The following BCR variants were observed in gnomAD, a reference collection of about 807,000 sequenced individuals.
BCR encodes the protein BCR activator of RhoGEF and GTPase.
A neutral mutation model predicts 138.6 loss-of-function variants in BCR; 58 were observed. The ratio of observed to expected loss-of-function variants is 0.42; its 90% CI spans 0.34 to 0.52. The LOEUF is 0.52. BCR is among the 20% of genes least tolerant of loss of function. The pLI, the probability that BCR is intolerant of heterozygous loss-of-function variation, is 0.06. For synonymous variants in BCR, 786 were observed against 730.1 expected (o/e 1.08, Z -1.23); for missense variants, 1,599 against 1,727.2 (o/e 0.93, Z 1.32).
In BCR at chr22:23,181,814, G is replaced by C. The variant is rs1569233952; in HGVS notation, c.854G>C (p.Gly285Ala). The change falls in exon 1 of 23, where the codon GGG (glycine) becomes GCG (alanine). Residue 285 changes from glycine to alanine, a missense_variant. Around this residue, in one of 4 missense-constraint regions of BCR, gnomAD observed 806 missense variants for 635.0 expected, o/e 1.27. Transcript: ENST00000305877. ...EYQPYQSIYV[G>A]GMMEGEGKGP... Reference sequence around the variant, plus strand: ...CAGCCCTACCAGAGCATCTACGTCGGGGGCATGATGGAAGGGGAGGGCAAG... The same window carrying C: ...CAGCCCTACCAGAGCATCTACGTCGCGGGCATGATGGAAGGGGAGGGCAAG... The C allele has an allele frequency of 1.9e-6, 3 of 1,610,716 alleles. No homozygotes were observed. In the African/African-American group the frequency reaches 4.0e-5, roughly 21 times the overall value.
At chr22:23,304,929 A>T (rs1162872594) in intron 16 of BCR, among the ~76,000 whole-genome samples, 1 of 152,196 alleles carries the variant, frequency 6.6e-6, no homozygotes, top group East Asian at 1.9e-4. Context: ...AGCCTGACCA[A>T]CATGGTGAAA....
chr22:23,290,420 A>G lies in BCR; in HGVS notation c.2782+7A>G. ...GGATTTAAGCAGAGTTCAAGTAAGT[A>G]CTGGTTTGGGGAGGAGGGTTGCAGC... On this transcript the variant is annotated splice_region_variant and intron_variant, in intron 14 of 22. Transcript: ENST00000305877. The G allele has an allele frequency of 6.2e-7, 1 of 1,613,650 alleles. No homozygotes were observed. Among genetic ancestry groups the G allele is most frequent in the Non-Finnish European group, 8.5e-7 (1 of 1,179,564 alleles).
intron 4 of BCR, among the ~76,000 whole-genome samples, chr22:23,265,946 A>C (rs943011089): frequency 2.0e-5 from 3 of 152,208 alleles, no homozygotes; most frequent in Admixed American, 6.5e-5. Flanking sequence ...TAACAATTAC[A>C]TTCTTCACAG....
At chr22:23,219,233 C>G (rs1014403725) in intron 1 of BCR, among the ~76,000 whole-genome samples, 2 of 152,214 alleles carry the variant, frequency 1.3e-5, no homozygotes, top group East Asian at 1.9e-4. Context: ...AGGTGCTTCT[C>G]AAGGCTGAAA....
At chr22:23,277,814 G>A (rs2073596531) in intron 8 of BCR, among the ~76,000 whole-genome samples, 1 of 152,182 alleles carries the variant, frequency 6.6e-6, no homozygotes, top group Non-Finnish European at 1.5e-5. Context: ...CTCCAGGGCT[G>A]TGCTCTTTGG....
rs1254046242 is a variant in BCR, at chr22:23,287,141, T to C, written c.2407-18T>C. 2 of 1,573,602 alleles carry C rather than the reference T, an allele frequency of 1.3e-6. No homozygotes were observed. Among genetic ancestry groups the C allele is most frequent in the East Asian group, 4.7e-5 (2 of 42,910 alleles). On this transcript the variant is annotated intron_variant, in intron 10 of 22. Transcript: ENST00000305877. ...GAGCGCTGGAATGGGAAGGTGAGGCTGTGGCATCTCCCCACAGAGGGCGAA... is the reference window on the plus strand; with the variant it reads ...GAGCGCTGGAATGGGAAGGTGAGGCCGTGGCATCTCCCCACAGAGGGCGAA...
chr22:23,290,618 C>A, intron 14 of BCR: 2 of 566,140 alleles, frequency 3.5e-6, no homozygotes, highest in South Asian at 1.9e-5. Context: ...TCTGCCCTCT[C>A]CCCTAGCCTG....
At chr22:23,226,566 C>T (rs1026555618) in intron 1 of BCR, among the ~76,000 whole-genome samples, 2 of 152,206 alleles carry the variant, frequency 1.3e-5, no homozygotes, top group African/African-American at 4.8e-5. Context: ...GCCTCTCCCT[C>T]ACATTTAGGC....
At chr22:23,182,360 C>A in intron 1 of BCR, 121 bp downstream of exon 1, 1 of 1,195,472 alleles carries the variant, frequency 8.4e-7, no homozygotes, top group Non-Finnish European at 1.1e-6. Context: ...GTATCAGGTG[C>A]ACTTGTGGTT....
At position 23,264,595 on chromosome 22, in the gene BCR, G is replaced by T. The variant is rs115148890; in HGVS notation, c.1752+3055G>T. On this transcript the variant is annotated intron_variant, in intron 4 of 22. Coordinates refer to ENST00000305877, the MANE Select transcript of BCR (RefSeq NM_004327.4). ...AGGCAGGACCTGCTGCTTTAGAGGA[G>T]TGCAGCTGAACCTCGGCCCTGCGAC... The T allele has an allele frequency of 6.6e-3, 2,475 of 377,216 alleles. 52 individuals carry two copies. The highest frequency in any genetic ancestry group is 0.047 in the African/African-American group (2,307 of 48,770). The allele number at this position is 377,216 out of a possible 1,614,324, so 23.4% of individuals were successfully genotyped here. A position where few individuals can be genotyped will look rare whatever the true frequency, so the allele number is the denominator to read the frequency against.
chr22:23,253,608 G>A (rs913967352), intron 1 of BCR, among the ~76,000 whole-genome samples, 191 bp from the exon 2 acceptor site: 3 of 152,182 alleles, frequency 2.0e-5, no homozygotes, highest in Non-Finnish European at 2.9e-5. Context: ...TAGGGAGTGA[G>A]CTCATGTTCA....
At chr22:23,311,311 T>G (rs1372362712) in intron 18 of BCR, among the ~76,000 whole-genome samples, 1 of 149,822 alleles carries the variant, frequency 6.7e-6, no homozygotes, top group African/African-American at 2.5e-5. Context: ...GGGATTCTCC[T>G]CTCACACAGC....
chr22:23,277,443 T>C (rs2073591071), intron 8 of BCR, among the ~76,000 whole-genome samples: 1 of 152,188 alleles, frequency 6.6e-6, no homozygotes, highest in African/African-American at 2.4e-5. Context: ...CCTCCTCTTG[T>C]TCCTGCACTA....
In BCR at chr22:23,253,904, C is replaced by T; in HGVS notation, c.1385C>T (p.Ser462Leu). 4.3e-6 allele frequency: 7 copies of T among 1,613,246 alleles called. No homozygotes were observed. Among genetic ancestry groups the T allele is most frequent in the Non-Finnish European group, 5.9e-6 (7 of 1,180,008 alleles). Residue 462 changes from serine to leucine, a missense_variant, in exon 2 of 23, where the codon TCA (serine) becomes TTA (leucine). Physicochemically the swap from Ser to Leu is moderately radical, Grantham distance 145. Around this residue, in one of 4 missense-constraint regions of BCR, gnomAD observed 590 missense variants for 762.4 expected, o/e 0.77. Transcript: ENST00000305877. ...CCCTACATTGATGACTCGCCCTCCT[C>T]ATCGCCCCACCTCAGCAGCAAGGGC... ...GLPYIDDSPS[S>L]SPHLSSKGRG...
chr22:23,220,178 T>G (rs1015086619), intron 1 of BCR, among the ~76,000 whole-genome samples: 2 of 152,178 alleles, frequency 1.3e-5, no homozygotes, highest in African/African-American at 4.8e-5. Flanking sequence ...TTGAACCACT[T>G]CACCCCTTGC....
rs2091780046 is a variant in BCR, at chr22:23,271,588, G to A, written c.1917G>A (p.Leu639=). 6.2e-7 allele frequency: 1 copy of A among 1,613,802 alleles called. No individual in the cohort carries two copies. Among genetic ancestry groups the A allele is most frequent in the Non-Finnish European group, 8.5e-7 (1 of 1,179,844 alleles). ...AGGATCCAACGACCAAGAACTCTCTGGAAAGTGAGTTCTGCATGCTGAGGT... is the reference window on the plus strand; with the variant it reads ...AGGATCCAACGACCAAGAACTCTCTAGAAAGTGAGTTCTGCATGCTGAGGT... ...DAKDPTTKNS[L]ETLLYKPVDR... Residue 639 remains leucine (L), a synonymous_variant, in exon 6 of 23, where the codon CTG becomes CTA. Coordinates refer to ENST00000305877, the MANE Select transcript of BCR (RefSeq NM_004327.4).
chr22:23,312,696 G>A (rs1443089038), intron 19 of BCR, 191 bp from the exon 20 acceptor site: 24 of 584,066 alleles, frequency 4.1e-5, no homozygotes, highest in Non-Finnish European at 6.8e-5. Flanking sequence ...GAATGCCCAC[G>A]CACCCCTATC....
chr22:23,252,369 C>T (rs1399966720), intron 1 of BCR, among the ~76,000 whole-genome samples: 1 of 152,054 alleles, frequency 6.6e-6, no homozygotes, highest in Non-Finnish European at 1.5e-5. Flanking sequence ...GTGCAAGGAC[C>T]GTTCCTGACA....
intron 16 of BCR, among the ~76,000 whole-genome samples, chr22:23,300,860 A>G (rs1224637053): frequency 6.6e-6 from 1 of 152,244 alleles, no homozygotes; most frequent in Non-Finnish European, 1.5e-5. Flanking sequence ...TGGCAACAAC[A>G]AAAATGAACT....
Sources: gnomAD v4.1 joint callset for allele counts (sites outside exome capture counted in the v4.1 genomes callset) on GRCh38, gnomAD v4.1.1 for gene constraint, gnomAD v4.1.1 regional missense constraint, MANE v1.5 for transcripts, NCBI Gene and HGNC (gene_info 2026-07-23, HGNC 2026-07-21) for gene names.